DAB1: variants seen among roughly 807,000 people sequenced by gnomAD.
DAB1 encodes DAB adaptor protein 1.
DAB1 carries 15 observed loss-of-function variants against 64.6 expected under a neutral mutation model. That is an observed-to-expected ratio of 0.23 (90% CI 0.16 to 0.36). The LOEUF (loss-of-function observed/expected upper bound fraction) is 0.36, where lower values mean the gene tolerates loss of function less well. DAB1 is among the 10% of genes least tolerant of loss of function. The probability of loss-of-function intolerance (pLI) is 1.00; values close to 1 mark genes in which losing one functional copy is unlikely to be tolerated. For missense variants in DAB1, 596 were observed against 706.7 expected (o/e 0.84, Z 1.78); for synonymous variants, 235 against 251.9 (o/e 0.93, Z 0.64).
intron 6 of DAB1, among the ~76,000 whole-genome samples, chr1:57,655,748 AC>A (rs1322162941): frequency 2.0e-5 from 3 of 152,228 alleles, no homozygotes; most frequent in Non-Finnish European, 4.4e-5. Context: ...ATATAGTGGA[AC>A]AAAAAGTAAC....
At chr1:57,662,667 G>A (rs555913743) in intron 6 of DAB1, among the ~76,000 whole-genome samples, 4 of 152,340 alleles carry the variant, frequency 2.6e-5, no homozygotes, top group South Asian at 2.1e-4. Context: ...TGATGCTTGA[G>A]CTGAATCTCA....
intron 6 of DAB1, among the ~76,000 whole-genome samples, chr1:57,788,204 T>C (rs2101854217): frequency 6.6e-6 from 1 of 152,318 alleles, no homozygotes; most frequent in South Asian, 2.1e-4. Flanking sequence ...ACACAAAGAC[T>C]TGTACATAAA....
chr1:58,079,557 C>G (rs1421283614), intron 5 of DAB1, among the ~76,000 whole-genome samples: 2 of 115,354 alleles, frequency 1.7e-5, no homozygotes, highest in African/African-American at 3.3e-5. Flanking sequence ...GAGTCTCGCT[C>G]TGTCGCCCAG....
At chr1:57,037,176 A>C (rs527857558) in intron 9 of DAB1, among the ~76,000 whole-genome samples, 1 of 152,346 alleles carries the variant, frequency 6.6e-6, no homozygotes, top group African/African-American at 2.4e-5. Context: ...CGGATTTGCA[A>C]ATCACCATGC....
chr1:57,515,643 C>T (rs1366671916), intron 7 of DAB1, among the ~76,000 whole-genome samples: 1 of 152,198 alleles, frequency 6.6e-6, no homozygotes, highest in Non-Finnish European at 1.5e-5. Flanking sequence ...GAGGTGTCTG[C>T]CCCTGGGCTA....
rs569074255 is a variant in DAB1 at position 57,539,598 on chromosome 1, T to C, written n.625+109994A>G. On this transcript the variant is annotated intron_variant and non_coding_transcript_variant, in intron 7 of 20. Transcript: ENST00000485760. ...AGAATGCTGAGCTGAATAATTCTGA[T>C]TGGGACAGAAACCTTTGAGCTACTT... Among the ~76,000 whole-genome samples, 96 of 152,354 alleles carry C rather than the reference T, an allele frequency of 6.3e-4. 1 individual carries two copies. The highest frequency in any genetic ancestry group is 3.2e-4 in the Non-Finnish European group (22 of 68,038).
chr1:57,757,228 A>G (rs12063395), intron 6 of DAB1, among the ~76,000 whole-genome samples: 12,161 of 75,490 alleles, frequency 0.16, 767 homozygotes, highest in Middle Eastern at 0.23. Context: ...TTTAGCAGCA[A>G]TGATGGAGGC....
chr1:58,380,144 G>A (rs1417370003), intron 3 of DAB1, among the ~76,000 whole-genome samples: 1 of 152,166 alleles, frequency 6.6e-6, no homozygotes, highest in Non-Finnish European at 1.5e-5. Context: ...ATATGGTTTG[G>A]CTCTGTGTCC....
intron 1 of DAB1, among the ~76,000 whole-genome samples, chr1:57,393,674 A>G (rs1380268802): frequency 6.6e-6 from 1 of 152,208 alleles, no homozygotes; most frequent in Non-Finnish European, 1.5e-5. Context: ...AATGAAAATC[A>G]AAAGAAATAG....
intron 3 of DAB1, among the ~76,000 whole-genome samples, chr1:58,410,891 C>G (rs531165467): frequency 6.6e-6 from 1 of 152,320 alleles, no homozygotes; most frequent in Admixed American, 6.5e-5. Context: ...CTGCTTTACT[C>G]CACCGTACAT....
chr1:57,151,877 G>T (rs112331027), intron 2 of DAB1, among the ~76,000 whole-genome samples: 1 of 135,372 alleles, frequency 7.4e-6, no homozygotes, highest in African/African-American at 2.9e-5. Context: ...GCAGTAGCTC[G>T]ATCTCTGCTC....
intron 2 of DAB1, among the ~76,000 whole-genome samples, chr1:57,192,376 TA>T (rs1338153665): frequency 2.0e-5 from 3 of 151,086 alleles, no homozygotes; most frequent in African/African-American, 7.3e-5. Context: ...GCACTGCATC[TA>T]TACAAATCCC....
At chr1:58,354,279 G>A (rs11207204) in intron 3 of DAB1, among the ~76,000 whole-genome samples, 27,769 of 152,098 alleles carry the variant, frequency 0.18, 2,741 homozygotes, top group South Asian at 0.27. Context: ...GAATTCAAGC[G>A]AGGAATGACA....
At chr1:57,155,892 G>T in intron 2 of DAB1, among the ~76,000 whole-genome samples, 1 of 151,594 alleles carries the variant, frequency 6.6e-6, no homozygotes, top group East Asian at 1.9e-4. Flanking sequence ...AACTTTACTG[G>T]TTTATCAGTT....
At chr1:58,058,523 C>T (rs1418202399) in intron 5 of DAB1, among the ~76,000 whole-genome samples, 1 of 152,200 alleles carries the variant, frequency 6.6e-6, no homozygotes, top group South Asian at 2.1e-4. Flanking sequence ...TCCCAGTCAT[C>T]AAGAAGGTGC....
intron 3 of DAB1, among the ~76,000 whole-genome samples, chr1:58,442,473 G>A (rs706436): frequency 0.18 from 27,615 of 152,198 alleles, 2,872 homozygotes; most frequent in East Asian, 0.33. Flanking sequence ...TGTGCCTCCT[G>A]AAACCTTCTT....
At chr1:58,388,662 G>C (rs1014574985) in intron 3 of DAB1, among the ~76,000 whole-genome samples, 1 of 152,186 alleles carries the variant, frequency 6.6e-6, no homozygotes, top group South Asian at 2.1e-4. Context: ...TAGTTAAGCC[G>C]CTGTGGTCAG....
chr1:58,253,483 G>T (rs971328159), intron 4 of DAB1, among the ~76,000 whole-genome samples: 1 of 152,222 alleles, frequency 6.6e-6, no homozygotes, highest in Non-Finnish European at 1.5e-5. Context: ...TTAAGAAGAG[G>T]TGTGCACGGT....
intron 7 of DAB1, among the ~76,000 whole-genome samples, chr1:57,494,000 G>A (rs145916294): frequency 1.8e-4 from 28 of 152,236 alleles, no homozygotes; most frequent in African/African-American, 5.1e-4. Context: ...CTTAAATATG[G>A]TAAAACTGTT....
Sources: gnomAD v4.1 joint callset for allele counts (sites outside exome capture counted in the v4.1 genomes callset) on GRCh38, gnomAD v4.1.1 for gene constraint, MANE v1.5 for transcripts, NCBI Gene and HGNC (gene_info 2026-07-23, HGNC 2026-07-21) for gene names.